LY9: variants seen among roughly 807,000 people sequenced by gnomAD.
LY9 encodes T-lymphocyte surface antigen Ly-9.
LY9 carries 59 observed loss-of-function variants against 64.6 expected under a neutral mutation model. The ratio of observed to expected loss-of-function variants is 0.91; its 90% confidence interval spans 0.74 to 1.13. The LOEUF is 1.13. Ranked by LOEUF, LY9 falls within the 50% of genes most tolerant of loss-of-function variation. The pLI is 0.00. For missense variants in LY9, 789 were observed against 797.2 expected, an observed-to-expected ratio of 0.99 and a Z score of 0.12; for synonymous variants, 281 against 308.5, an observed-to-expected ratio of 0.91 and a Z score of 0.93.
At chr1:160,808,531 C>CT (rs1667195815) in intron 2 of LY9, among the ~76,000 whole-genome samples, 2 of 152,272 alleles carry the variant, frequency 1.3e-5, no homozygotes, top group Non-Finnish European at 2.9e-5. Flanking sequence ...AAAGGGGTCT[C>CT]ATGTGGCCAG....
chr1:160,812,785 T>C (rs2101793559), intron 2 of LY9: 1 of 152,308 alleles, frequency 6.6e-6, no homozygotes, highest in Non-Finnish European at 1.5e-5. Context: ...GTATTACCTA[T>C]TCAAAAGAAG....
At chr1:160,816,243 C>A (rs1011749766) in intron 4 of LY9, among the ~76,000 whole-genome samples, 1 of 152,192 alleles carries the variant, frequency 6.6e-6, no homozygotes, top group Non-Finnish European at 1.5e-5. Flanking sequence ...CAAAGCCAAG[C>A]CTTGAAGGGT....
chr1:160,822,351 G>A (rs1336359983), intron 7 of LY9, among the ~76,000 whole-genome samples: 1 of 152,134 alleles, frequency 6.6e-6, no homozygotes, highest in Admixed American at 6.5e-5. Context: ...AAGGCATGAC[G>A]TTTACGTAGT....
At chr1:160,826,600 G>C (rs1048501372) in intron 9 of LY9, among the ~76,000 whole-genome samples, 1 of 152,180 alleles carries the variant, frequency 6.6e-6, no homozygotes, top group African/African-American at 2.4e-5. Context: ...AGTTCCTAAG[G>C]GTTTTTCAGA....
At chr1:160,825,835 A>C (rs765715185) in intron 9 of LY9, among the ~76,000 whole-genome samples, 2 of 152,084 alleles carry the variant, frequency 1.3e-5, no homozygotes, top group Admixed American at 1.3e-4. Flanking sequence ...GCTTGAACCC[A>C]GGAGGTGGAG....
intron 2 of LY9, among the ~76,000 whole-genome samples, chr1:160,806,341 C>T (rs1318980058): frequency 6.6e-6 from 1 of 152,102 alleles, no homozygotes; most frequent in Non-Finnish European, 1.5e-5. Flanking sequence ...GATTGCTTTA[C>T]AAATGAGTTT....
chr1:160,800,170 T>C lies in LY9; in HGVS notation c.454+88T>C, dbSNP rs1464296504. The stretch of plus-strand genomic sequence containing the variant: ...GGTATGTGTGAAATTTTGTTATATG[T>C]ATATAGTGCATACTGATCAAGTCAG... On this transcript the variant is annotated intron_variant, in intron 2 of 9. Transcript: ENST00000263285. 1.0e-5 allele frequency: 10 copies of C among 971,972 alleles called. No homozygotes were observed. In the Admixed American group the frequency reaches 2.1e-4, roughly 20 times the overall value. 60.2% of individuals were successfully genotyped at this position (971,972 alleles called of 1,614,324 possible).
chr1:160,800,759 T>C (rs1245579221), intron 2 of LY9, among the ~76,000 whole-genome samples: 1 of 152,182 alleles, frequency 6.6e-6, no homozygotes, highest in Non-Finnish European at 1.5e-5. Flanking sequence ...TGTCCATGTG[T>C]ACCCATTGCT....
chr1:160,814,478 G>A lies in LY9; in HGVS notation c.789G>A (p.Glu263=), dbSNP rs753794407. The change falls in exon 4 of 10, where the codon GAG becomes GAA. Residue 263 remains glutamate, a synonymous_variant. Coordinates refer to ENST00000263285, the MANE Select transcript of LY9 (RefSeq NM_002348.4). ...AGACTGTGGTAGGGGTCCTGGGAGAGCCAGTCACCCTGCCACTTGCACTCC... is the reference window on the plus strand; with the variant it reads ...AGACTGTGGTAGGGGTCCTGGGAGAACCAGTCACCCTGCCACTTGCACTCC... ...TGETVVGVLG[E]PVTLPLALPA... is the part of the protein sequence containing the mutation. The A allele has an allele frequency of 4.3e-6, 7 of 1,613,982 alleles. No individual in the cohort carries two copies. The Admixed American group carries it at 1.0e-4, about 23-fold the overall frequency.
At position 160,799,907 on chromosome 1, in the gene LY9, A is replaced by G; in HGVS notation, c.279A>G (p.Lys93=). 1.2e-6 allele frequency: 2 copies of G among 1,614,188 alleles called. No individual in the cohort carries two copies. The highest frequency in any genetic ancestry group is 2.2e-5 in the South Asian group (2 of 91,082). Reference sequence around the variant, plus strand: ...ATGCTCTTGCTTTCGCACGTCCCAAAGAAAATGTAACCATTATGGTCAAAA... The same window carrying G: ...ATGCTCTTGCTTTCGCACGTCCCAAGGAAAATGTAACCATTATGGTCAAAA... The part of the protein sequence containing the change: ...PKNALAFARP[K]ENVTIMVKSY... The change falls in exon 2 of 10, where the codon AAA becomes AAG. Residue 93 remains lysine (K), a synonymous_variant. Coordinates refer to ENST00000263285, the MANE Select transcript of LY9 (RefSeq NM_002348.4).
chr1:160,804,275 G>C (rs1558087042), intron 2 of LY9, among the ~76,000 whole-genome samples: 2 of 152,172 alleles, frequency 1.3e-5, no homozygotes, highest in Admixed American at 1.3e-4. Context: ...TCTATGCCTA[G>C]TTTGTTGAGA....
At chr1:160,803,539 T>A (rs534895906) in intron 2 of LY9, among the ~76,000 whole-genome samples, 1 of 152,322 alleles carries the variant, frequency 6.6e-6, no homozygotes, top group East Asian at 1.9e-4. Flanking sequence ...TAGGGTTTTT[T>A]AATAGCTATT....
chr1:160,823,773 T>C lies in LY9; in HGVS notation c.1807T>C (p.Tyr603His). 6.2e-7 allele frequency: 1 copy of C among 1,612,860 alleles called. No individual in the cohort carries two copies. The highest frequency in any genetic ancestry group is 8.5e-7 in the Non-Finnish European group (1 of 1,178,884). Residue 603 changes from tyrosine to histidine, a missense_variant, in exon 8 of 10, where the codon TAT becomes CAT. Tyr to His is a moderately conservative substitution (Grantham distance 83). Transcript: ENST00000263285. ...GTCTGTGGTTGGAGAGAACACCATG[T>C]ATGCACAAGTGTTCAACTTACAGGT... ...VESVVGENTM[Y>H]AQVFNLQGKT...
intron 2 of LY9, among the ~76,000 whole-genome samples, chr1:160,809,075 C>T (rs2101776832): frequency 6.6e-6 from 1 of 152,152 alleles, no homozygotes; most frequent in South Asian, 2.1e-4. Flanking sequence ...AACAATGCTG[C>T]AATGAATATT....
chr1:160,814,769 T>A lies in LY9; in HGVS notation c.1072+8T>A. 6.2e-7 allele frequency: 1 copy of A among 1,605,960 alleles called. No homozygotes were observed. Among genetic ancestry groups the A allele is most frequent in the Non-Finnish European group, 8.5e-7 (1 of 1,175,530 alleles). Reference sequence around the variant, plus strand: ...TCACCCTGCTCATCTACCGTGAGTCTCTGGGCAGGGCACCCATCACCAGAT... The same window carrying A: ...TCACCCTGCTCATCTACCGTGAGTCACTGGGCAGGGCACCCATCACCAGAT... On this transcript the variant is annotated splice_region_variant and intron_variant, in intron 4 of 9. Coordinates refer to ENST00000263285, the MANE Select transcript of LY9 (RefSeq NM_002348.4).
Position 160,823,717 on chromosome 1 carries a change from A to T in LY9, c.1751A>T (p.Asp584Val). 6.2e-7 allele frequency: 1 copy of T among 1,614,132 alleles called. No individual in the cohort carries two copies. Among genetic ancestry groups the T allele is most frequent in the East Asian group, 2.2e-5 (1 of 44,884 alleles). ...DPAPEGQADY[D>V]PVTPYVTEVE... is the part of the protein sequence containing the mutation. The stretch of plus-strand genomic sequence containing the variant: ...GCCCCTGAGGGCCAAGCAGACTATG[A>T]TCCCGTCACTCCATATGTCACGGAA... Residue 584 changes from aspartate (D) to valine (V), a missense_variant, in exon 8 of 10, where the codon GAT becomes GTT. Transcript: ENST00000263285.
Position 160,816,835 on chromosome 1 carries a change from C to T in LY9, c.1314C>T (p.His438=). The change falls in exon 5 of 10, where the codon CAC becomes CAT. Residue 438 remains histidine, a synonymous_variant. Transcript: ENST00000263285. ...GCAACCCTGTCAGCAGGAGTTCCCA[C>T]CAGTTTCTTTCTGAGAACATCTGTT... The part of the protein sequence containing the change: ...TASNPVSRSS[H]QFLSENICSG... The T allele has an allele frequency of 6.2e-7, 1 of 1,614,248 alleles. No individual in the cohort carries two copies. Among genetic ancestry groups the T allele is most frequent in the African/African-American group, 1.3e-5 (1 of 75,066 alleles).
At chr1:160,827,722 T>G (rs376985480) in intron 9 of LY9, 26 bp from the exon 10 acceptor site, 10 of 1,584,116 alleles carry the variant, frequency 6.3e-6, no homozygotes, top group Non-Finnish European at 8.6e-6. Flanking sequence ...ATTAACCATA[T>G]TCTTTTGTGG....
intron 1 of LY9, chr1:160,799,482 C>T: frequency 5.4e-6 from 2 of 369,882 alleles, no homozygotes; most frequent in East Asian, 4.6e-5. Context: ...AGAAATGTAC[C>T]CAAAGTCACA....
Sources: gnomAD v4.1 joint callset for allele counts (sites outside exome capture counted in the v4.1 genomes callset) on GRCh38, gnomAD v4.1.1 for gene constraint, MANE v1.5 for transcripts, NCBI Gene and HGNC (gene_info 2026-07-23, HGNC 2026-07-21) for gene names.